The following ROBO2 variants were observed in gnomAD, a reference collection of about 807,000 sequenced individuals.
ROBO2 encodes roundabout guidance receptor 2, also known as roundabout homolog 2.
ROBO2 carries 53 observed loss-of-function variants against 160.8 expected under a neutral mutation model. The observed-to-expected ratio is 0.33, with a 90% CI of 0.26 to 0.41. The LOEUF is 0.41. ROBO2 is among the 10% of genes least tolerant of loss of function. The pLI is 1.00. For synonymous variants in ROBO2, 664 were observed against 611.7 expected, an observed-to-expected ratio of 1.09 and a Z score of -1.26; for missense variants, 1,577 against 1,722.4, an observed-to-expected ratio of 0.92 and a Z score of 1.49.
At chr3:76,434,683 T>A in intron 2 of ROBO2, 1 of 1,136,562 alleles carries the variant, frequency 8.8e-7, no homozygotes, top group Non-Finnish European at 1.3e-6. Context: ...CTGGATCAGG[T>A]CCTCCTCCCC....
intron 2 of ROBO2, among the ~76,000 whole-genome samples, chr3:77,234,203 G>A (rs2087621466): frequency 6.6e-6 from 1 of 152,124 alleles, no homozygotes; most frequent in African/African-American, 2.4e-5. Flanking sequence ...ATTCACAGAA[G>A]AGCAACAGTT....
At chr3:77,594,323 G>A (rs930935823) in intron 17 of ROBO2, among the ~76,000 whole-genome samples, 1 of 152,136 alleles carries the variant, frequency 6.6e-6, no homozygotes, top group African/African-American at 2.4e-5. Context: ...CAAAGGTTTG[G>A]GTAATGGATG....
intron 2 of ROBO2, among the ~76,000 whole-genome samples, chr3:76,783,896 T>C (rs1290034217): frequency 6.6e-6 from 1 of 151,084 alleles, no homozygotes; most frequent in Non-Finnish European, 1.5e-5. Flanking sequence ...TCATCAGCTT[T>C]CTTTACTCTT....
chr3:77,380,270 C>A (rs568030101), intron 2 of ROBO2, among the ~76,000 whole-genome samples: 2 of 152,188 alleles, frequency 1.3e-5, no homozygotes, highest in Non-Finnish European at 2.9e-5. Context: ...AGATGAAACA[C>A]ACTAGCATGT....
chr3:76,385,178 A>T (rs1191433276), intron 2 of ROBO2, among the ~76,000 whole-genome samples: 2 of 152,032 alleles, frequency 1.3e-5, no homozygotes, highest in Non-Finnish European at 2.9e-5. Context: ...TAATTTTTAT[A>T]GAGACAGGGC....
intron 2 of ROBO2, among the ~76,000 whole-genome samples, chr3:76,821,075 G>GT (rs1222924624): frequency 2.0e-5 from 3 of 151,882 alleles, no homozygotes; most frequent in African/African-American, 7.2e-5. Flanking sequence ...GTATTAACAT[G>GT]TTCTATCATA....
intron 2 of ROBO2, among the ~76,000 whole-genome samples, chr3:76,216,415 A>G (rs966849422): frequency 2.0e-5 from 3 of 152,180 alleles, no homozygotes; most frequent in Non-Finnish European, 2.9e-5. Flanking sequence ...CAGGAAACCC[A>G]TCTCACATGC....
intron 1 of ROBO2, among the ~76,000 whole-genome samples, chr3:77,072,987 T>C (rs1302808140): frequency 1.3e-5 from 2 of 152,204 alleles, no homozygotes; most frequent in African/African-American, 4.8e-5. Flanking sequence ...AAGGAAATTA[T>C]TTTTACAAAC....
At chr3:76,304,772 TTCTTTCTTTC>T (rs1264249874) in intron 2 of ROBO2, among the ~76,000 whole-genome samples, 1 of 151,066 alleles carries the variant, frequency 6.6e-6, no homozygotes, top group Non-Finnish European at 1.5e-5. Flanking sequence ...CTTTCTTTCT[TTCTTTCTTTC>T]TTTCTTTCTT....
At chr3:75,974,637 A>C (rs2107389842) in intron 2 of ROBO2, among the ~76,000 whole-genome samples, 1 of 151,708 alleles carries the variant, frequency 6.6e-6, no homozygotes, top group African/African-American at 2.4e-5. Flanking sequence ...ACAGTGTTTC[A>C]GATTTTACTG....
At chr3:76,563,604 T>G (rs888721142) in intron 2 of ROBO2, among the ~76,000 whole-genome samples, 1 of 152,220 alleles carries the variant, frequency 6.6e-6, no homozygotes, top group Non-Finnish European at 1.5e-5. Flanking sequence ...ATTGTTTATC[T>G]GATATTATGG....
chr3:76,553,546 A>T (rs568022113), intron 2 of ROBO2, among the ~76,000 whole-genome samples: 1 of 152,324 alleles, frequency 6.6e-6, no homozygotes, highest in East Asian at 1.9e-4. Context: ...GATATTAGCC[A>T]GGATTCTTGA....
chr3:77,548,007 A>G (rs983731095), intron 7 of ROBO2, among the ~76,000 whole-genome samples: 2 of 151,610 alleles, frequency 1.3e-5, no homozygotes, highest in African/African-American at 2.4e-5. Context: ...ACACACATAT[A>G]CACACACATA....
At chr3:76,745,002 T>C (rs558088715) in intron 2 of ROBO2, among the ~76,000 whole-genome samples, 1 of 152,204 alleles carries the variant, frequency 6.6e-6, no homozygotes, top group Non-Finnish European at 1.5e-5. Flanking sequence ...AATTACCTTT[T>C]CTAATTCTAC....
intron 1 of ROBO2, among the ~76,000 whole-genome samples, chr3:75,908,735 G>A (rs1252031294): frequency 6.6e-6 from 1 of 151,932 alleles, no homozygotes; most frequent in African/African-American, 2.4e-5. Flanking sequence ...CTATAATTTT[G>A]TGGAGTTATT....
rs374749279 is a variant in ROBO2, at chr3:77,596,630, G to C, written c.2734G>C (p.Gly912Arg). The change falls in exon 19 of 26, where the codon GGT becomes CGT. Residue 912 changes from glycine (G) to arginine (R), a missense_variant. Coordinates refer to ENST00000461745, the Ensembl canonical transcript of ROBO2. ...TTGTAATTTCTGTTTTAGCCGTCCA[G>C]GTCTTCTCAATGCTGGTGATCCCAG... is the stretch of plus-strand genomic sequence containing the variant. 15 of 1,613,786 alleles carry C rather than the reference G, an allele frequency of 9.3e-6. No homozygotes were observed. In the African/African-American group the frequency reaches 1.9e-4, roughly 20 times the overall value.
intron 2 of ROBO2, among the ~76,000 whole-genome samples, chr3:77,126,488 T>A (rs1055169023): frequency 6.6e-6 from 1 of 152,102 alleles, no homozygotes; most frequent in African/African-American, 2.4e-5. Context: ...TTAGTTCATA[T>A]TTTTAGTTGT....
intron 1 of ROBO2, among the ~76,000 whole-genome samples, chr3:77,096,004 T>C (rs2071010057): frequency 1.3e-5 from 2 of 152,140 alleles, no homozygotes; most frequent in African/African-American, 4.8e-5. Flanking sequence ...TCTTTTTTGG[T>C]CTGATGTGAT....
chr3:77,387,506 T>C (rs2074261824), intron 2 of ROBO2, among the ~76,000 whole-genome samples: 1 of 152,102 alleles, frequency 6.6e-6, no homozygotes, highest in African/African-American at 2.4e-5. Flanking sequence ...CCCTAGCTTC[T>C]GCAGCTATTT....
Sources: gnomAD v4.1 joint callset for allele counts (sites outside exome capture counted in the v4.1 genomes callset) on GRCh38, gnomAD v4.1.1 for gene constraint, MANE v1.5 for transcripts, NCBI Gene and HGNC (gene_info 2026-07-23, HGNC 2026-07-21) for gene names.